EPHB2: variants seen among roughly 807,000 people sequenced by gnomAD.
The protein encoded by EPHB2 is EPH receptor B2.
A neutral mutation model predicts 96.4 loss-of-function variants in EPHB2; 18 were observed. The ratio of observed to expected loss-of-function variants is 0.19; its 90% CI spans 0.13 to 0.28. The LOEUF is 0.28. Ranked by LOEUF, EPHB2 falls within the 10% of genes least tolerant of loss-of-function variation. The pLI is 1.00. For missense variants in EPHB2, 989 were observed against 1,355.4 expected, an observed-to-expected ratio of 0.73 and a Z score of 4.25; for synonymous variants, 506 against 534.1, an observed-to-expected ratio of 0.95 and a Z score of 0.72.
intron 6 of EPHB2, among the ~76,000 whole-genome samples, chr1:22,892,326 A>G (rs1169634907): frequency 6.6e-6 from 1 of 152,184 alleles, no homozygotes; most frequent in Non-Finnish European, 1.5e-5. Context: ...GCACATAGGA[A>G]CCACTCAATA....
chr1:22,803,318 G>A (rs560663910), intron 3 of EPHB2, among the ~76,000 whole-genome samples: 7 of 152,210 alleles, frequency 4.6e-5, no homozygotes, highest in East Asian at 1.9e-4. Flanking sequence ...TGTAAGAATC[G>A]TGGTTAGGCC....
intron 1 of EPHB2, among the ~76,000 whole-genome samples, chr1:22,762,906 T>C (rs1644254842): frequency 6.6e-6 from 1 of 152,106 alleles, no homozygotes; most frequent in South Asian, 2.1e-4. Flanking sequence ...TGCCCAGTGA[T>C]TCCCAGCATC....
At chr1:22,898,203 A>G (rs1639631724) in intron 9 of EPHB2, among the ~76,000 whole-genome samples, 2 of 152,178 alleles carry the variant, frequency 1.3e-5, no homozygotes, top group East Asian at 1.9e-4. Flanking sequence ...AGCGTGTGGT[A>G]TATTTGAAGA....
At chr1:22,817,046 C>T (rs1645084886) in intron 3 of EPHB2, among the ~76,000 whole-genome samples, 1 of 152,224 alleles carries the variant, frequency 6.6e-6, no homozygotes, top group Non-Finnish European at 1.5e-5. Context: ...TCGTGCCTTC[C>T]TGGTAGACAG....
chr1:22,887,699 G>GCA (rs747997857), intron 6 of EPHB2, among the ~76,000 whole-genome samples: 5 of 152,214 alleles, frequency 3.3e-5, no homozygotes, highest in Non-Finnish European at 7.3e-5. Flanking sequence ...CTACCCCAAA[G>GCA]CACACAGGTT....
At chr1:22,747,827 A>G (rs1643998686) in intron 1 of EPHB2, among the ~76,000 whole-genome samples, 1 of 152,216 alleles carries the variant, frequency 6.6e-6, no homozygotes, top group African/African-American at 2.4e-5. Context: ...GAAAAGGACA[A>G]TGAAGTTGGG....
chr1:22,837,391 G>C (rs1193750959), intron 3 of EPHB2, among the ~76,000 whole-genome samples: 1 of 152,100 alleles, frequency 6.6e-6, no homozygotes, highest in Admixed American at 6.5e-5. Flanking sequence ...GGGTGGGGAG[G>C]ATGTGATGTT....
chr1:22,717,171 G>C (rs116529403), intron 1 of EPHB2, among the ~76,000 whole-genome samples: 1 of 152,296 alleles, frequency 6.6e-6, no homozygotes. Context: ...CCGCTGGCTC[G>C]TGCATAAAAA....
chr1:22,730,031 G>A (rs1643672318), intron 1 of EPHB2, among the ~76,000 whole-genome samples: 1 of 152,214 alleles, frequency 6.6e-6, no homozygotes, highest in Non-Finnish European at 1.5e-5. Flanking sequence ...GAACGGAGTG[G>A]GATTGAAGTC....
At chr1:22,796,775 G>A (rs1866793) in intron 3 of EPHB2, among the ~76,000 whole-genome samples, 4 of 152,190 alleles carry the variant, frequency 2.6e-5, no homozygotes, top group Non-Finnish European at 4.4e-5. Context: ...CTTATCAATT[G>A]GGTGCTCACT....
intron 1 of EPHB2, among the ~76,000 whole-genome samples, chr1:22,765,561 A>AAC (rs1285622761): frequency 2.0e-5 from 3 of 150,756 alleles, no homozygotes; most frequent in Non-Finnish European, 4.4e-5. Flanking sequence ...AAAAAAAAAA[A>AAC]AACATTGAGT....
chr1:22,895,664 G>A, intron 8 of EPHB2, 84 bp downstream of exon 8: 1 of 1,268,850 alleles, frequency 7.9e-7, no homozygotes, highest in Non-Finnish European at 1.1e-6. Context: ...CTACAGTGCT[G>A]GTGAACCGAG....
chr1:22,796,917 C>G (rs759738295), intron 3 of EPHB2, among the ~76,000 whole-genome samples: 3 of 152,220 alleles, frequency 2.0e-5, no homozygotes, highest in Non-Finnish European at 4.4e-5. Flanking sequence ...CAAGGTCACA[C>G]AGCTAATGGA....
chr1:22,755,781 T>C (rs1644140413), intron 1 of EPHB2, among the ~76,000 whole-genome samples: 1 of 152,208 alleles, frequency 6.6e-6, no homozygotes, highest in Non-Finnish European at 1.5e-5. Context: ...CTTCCAACTG[T>C]GCCTGGCATA....
intron 1 of EPHB2, among the ~76,000 whole-genome samples, chr1:22,719,303 C>G (rs1380444128): frequency 6.6e-6 from 1 of 152,182 alleles, no homozygotes. Flanking sequence ...TCGCCCAAAG[C>G]CAGCAGCGGG....
At chr1:22,850,534 A>T (rs1645611114) in intron 3 of EPHB2, among the ~76,000 whole-genome samples, 1 of 152,186 alleles carries the variant, frequency 6.6e-6, no homozygotes, top group African/African-American at 2.4e-5. Flanking sequence ...CAGATGTGTC[A>T]AGCTTTGCAA....
chr1:22,755,184 TAC>T (rs1644130354), intron 1 of EPHB2, among the ~76,000 whole-genome samples: 1 of 152,026 alleles, frequency 6.6e-6, no homozygotes, highest in Non-Finnish European at 1.5e-5. Flanking sequence ...CGTCCTAGAA[TAC>T]AGTGTCAGGT....
chr1:22,755,327 A>G (rs903888032), intron 1 of EPHB2, among the ~76,000 whole-genome samples: 7 of 152,146 alleles, frequency 4.6e-5, no homozygotes. Flanking sequence ...CTGTCCCTGA[A>G]TCTGTTTATG....
intron 3 of EPHB2, among the ~76,000 whole-genome samples, chr1:22,800,574 G>A (rs142244409): frequency 6.6e-6 from 1 of 152,290 alleles, no homozygotes; most frequent in Non-Finnish European, 1.5e-5. Flanking sequence ...TTGCATGGGT[G>A]CCCACCCACT....
Sources: allele counts gnomAD v4.1 joint callset (sites outside exome capture counted in the v4.1 genomes callset), GRCh38; gene constraint gnomAD v4.1.1; transcripts MANE v1.5; gene names NCBI Gene and HGNC (gene_info 2026-07-23, HGNC 2026-07-21).